Variants in CNTLN observed in about 807,000 individuals in gnomAD.
CNTLN encodes centlein.
Under a neutral mutation model 180.0 loss-of-function variants are expected in CNTLN, and 212 were observed. The ratio of observed to expected loss-of-function variants is 1.18; its 90% confidence interval spans 1.05 to 1.32. The LOEUF is 1.32. CNTLN is among the 40% of genes most tolerant of loss of function. The pLI, the probability that CNTLN is intolerant of heterozygous loss-of-function variation, is 0.00. For missense variants in CNTLN, 2,095 were observed against 1,610.9 expected (o/e 1.30, Z -5.14); for synonymous variants, 722 against 563.1 (o/e 1.28, Z -3.99).
At chr9:17,299,597 C>G (rs1162375184) in intron 7 of CNTLN, 1 of 985,120 alleles carries the variant, frequency 1.0e-6, no homozygotes, top group East Asian at 1.1e-4. Context: ...TTCCCAAGGA[C>G]CTAGATGATA....
At chr9:17,309,291 T>C (rs755009888) in intron 8 of CNTLN, 39 bp downstream of exon 8, 2 of 1,412,698 alleles carry the variant, frequency 1.4e-6, no homozygotes, top group South Asian at 1.7e-5. Context: ...CAGTGTAATA[T>C]TAAATGAAAT....
chr9:17,325,241 A>G (rs1177776038), intron 8 of CNTLN, among the ~76,000 whole-genome samples: 3 of 149,764 alleles, frequency 2.0e-5, no homozygotes, highest in African/African-American at 4.9e-5. Context: ...CAGGATATAG[A>G]TGATTCAGCT....
intron 15 of CNTLN, among the ~76,000 whole-genome samples, chr9:17,398,342 A>C (rs1826695191): frequency 6.6e-6 from 1 of 152,160 alleles, no homozygotes; most frequent in Admixed American, 6.5e-5. Flanking sequence ...AGGAGACAGG[A>C]GTGTCAAGCT....
chr9:17,483,144 G>A (rs915648499), intron 23 of CNTLN, among the ~76,000 whole-genome samples: 3 of 151,890 alleles, frequency 2.0e-5, no homozygotes, highest in East Asian at 1.9e-4. Context: ...ATAATTTCCC[G>A]AATACGTGAA....
At chr9:17,234,426 T>G (rs368253968) in intron 3 of CNTLN, among the ~76,000 whole-genome samples, 59 of 140,420 alleles carry the variant, frequency 4.2e-4, no homozygotes, top group African/African-American at 1.6e-3. Context: ...GTGGGTGACA[T>G]GACAGAGCGA....
At chr9:17,469,755 CCTT>C (rs1831954417) in intron 23 of CNTLN, among the ~76,000 whole-genome samples, 1 of 148,118 alleles carries the variant, frequency 6.8e-6, no homozygotes, top group South Asian at 2.1e-4. Context: ...TTTGTTCTCT[CCTT>C]CAGATTTAAC....
At chr9:17,488,922 G>A (rs1833014270) in intron 25 of CNTLN, among the ~76,000 whole-genome samples, 1 of 152,076 alleles carries the variant, frequency 6.6e-6, no homozygotes, top group African/African-American at 2.4e-5. Flanking sequence ...ACTGCATCAT[G>A]TGCCTTTAGA....
At chr9:17,293,610 C>T (rs1015119851) in intron 6 of CNTLN, among the ~76,000 whole-genome samples, 1 of 152,236 alleles carries the variant, frequency 6.6e-6, no homozygotes, top group African/African-American at 2.4e-5. Context: ...TGGGTCCAAA[C>T]CATCTAGTCT....
At chr9:17,315,557 A>G (rs1446940201) in intron 8 of CNTLN, among the ~76,000 whole-genome samples, 1 of 152,082 alleles carries the variant, frequency 6.6e-6, no homozygotes, top group Non-Finnish European at 1.5e-5. Context: ...AATGTCTTCA[A>G]ATATGACTTC....
In CNTLN at chr9:17,135,111, C is replaced by G. The variant is rs1554639191; in HGVS notation, c.46C>G (p.Arg16Gly). The change falls in exon 1 of 26, where the codon CGA becomes GGA. Residue 16 changes from arginine to glycine, a missense_variant. Transcript: ENST00000380647. Reference sequence around the variant, plus strand: ...CTCACCGCACCCTTCGCCCCCAGCGCGACAGCTGGGCCCCAGGTCCCCACG... The same window carrying G: ...CTCACCGCACCCTTCGCCCCCAGCGGGACAGCTGGGCCCCAGGTCCCCACG... The part of the protein sequence containing the change: ...PPSPHPSPPA[R>G]QLGPRSPRVG... The G allele has an allele frequency of 6.2e-7, 1 of 1,606,140 alleles. No individual in the cohort carries two copies. The highest frequency in any genetic ancestry group is 1.3e-5 in the African/African-American group (1 of 74,876).
At chr9:17,229,485 C>T (rs1443595667) in intron 3 of CNTLN, among the ~76,000 whole-genome samples, 6 of 152,030 alleles carry the variant, frequency 3.9e-5, no homozygotes, top group Non-Finnish European at 8.8e-5. Flanking sequence ...GCAAGTAACT[C>T]TGCAGGGCAG....
chr9:17,404,498 C>T (rs189032019), intron 15 of CNTLN, among the ~76,000 whole-genome samples: 2 of 151,568 alleles, frequency 1.3e-5, no homozygotes, highest in African/African-American at 4.9e-5. Context: ...TTTTGGATTC[C>T]CTATACTGAG....
chr9:17,409,545 A>G, intron 16 of CNTLN, 72 bp downstream of exon 16: 1 of 1,117,462 alleles, frequency 8.9e-7, no homozygotes, highest in East Asian at 2.5e-5. Flanking sequence ...ACTTAAGTAA[A>G]TAAATGTTAC....
At chr9:17,241,079 C>G (rs948177908) in intron 5 of CNTLN, among the ~76,000 whole-genome samples, 1 of 152,072 alleles carries the variant, frequency 6.6e-6, no homozygotes, top group Non-Finnish European at 1.5e-5. Context: ...AGGATGGTCT[C>G]GATCTCCTGA....
chr9:17,526,395 C>T, the CNTLN span, among the ~76,000 whole-genome samples: 1 of 152,114 alleles, frequency 6.6e-6, no homozygotes, highest in South Asian at 2.1e-4. Flanking sequence ...AGACTTAGTA[C>T]AAAAAAACTG....
chr9:17,280,130 A>G, intron 6 of CNTLN, among the ~76,000 whole-genome samples: 1 of 152,146 alleles, frequency 6.6e-6, no homozygotes, highest in East Asian at 1.9e-4. Flanking sequence ...GGATTCTGTT[A>G]TAAGTAACAA....
chr9:17,166,429 A>G (rs554523801), intron 2 of CNTLN, among the ~76,000 whole-genome samples: 2 of 152,306 alleles, frequency 1.3e-5, no homozygotes, highest in South Asian at 4.1e-4. Context: ...GAACAGAGAA[A>G]AATGGACATT....
chr9:17,506,135 T>C (rs1287742703), downstream of CNTLN, among the ~76,000 whole-genome samples: 1 of 151,726 alleles, frequency 6.6e-6, no homozygotes, highest in Non-Finnish European at 1.5e-5. Flanking sequence ...CAGACATAAA[T>C]TACATCAAAA....
At chr9:17,389,419 G>A (rs1319346615) in intron 14 of CNTLN, among the ~76,000 whole-genome samples, 3 of 151,958 alleles carry the variant, frequency 2.0e-5, no homozygotes, top group African/African-American at 7.2e-5. Context: ...GTAATACTAT[G>A]CTACTATTTC....
Sources: allele counts gnomAD v4.1 joint callset (sites outside exome capture counted in the v4.1 genomes callset), GRCh38; gene constraint gnomAD v4.1.1; transcripts MANE v1.5; gene names NCBI Gene and HGNC (gene_info 2026-07-23, HGNC 2026-07-21).